The following SHLD2 variants were observed in gnomAD, a reference collection of about 807,000 sequenced individuals.
The protein encoded by SHLD2 is RINN1-REV7-interacting novel NHEJ regulator 2.
SHLD2 carries 30 observed loss-of-function variants against 73.2 expected under a neutral mutation model. That is an observed-to-expected ratio of 0.41 (90% CI 0.31 to 0.56). SHLD2 has a LOEUF of 0.56. Among genes scored for constraint, SHLD2 ranks in the 20% least tolerant of loss-of-function variants. The probability of loss-of-function intolerance (pLI) is 0.28; values close to 1 mark genes in which losing one functional copy is unlikely to be tolerated. For synonymous variants in SHLD2, 285 were observed against 370.1 expected (o/e 0.77, Z 2.64); for missense variants, 745 against 1,055.9 (o/e 0.71, Z 4.08).
chr10:87,173,210 T>TAGAGACGAGGTTTCACCATG (rs796137789), intron 6 of SHLD2, among the ~76,000 whole-genome samples: 4 of 151,564 alleles, frequency 2.6e-5, no homozygotes, highest in African/African-American at 9.8e-5. Flanking sequence ...GTATTTTTAG[T>TAGAGACGAGGTTTCACCATG]AGAGACGAGG....
At chr10:87,120,258 A>ATT (rs1026313828) in intron 2 of SHLD2, among the ~76,000 whole-genome samples, 84 of 148,798 alleles carry the variant, frequency 5.6e-4, no homozygotes, top group African/African-American at 2.1e-3. Flanking sequence ...TTATTTATTT[A>ATT]TTTTTTTGAG....
intron 2 of SHLD2, among the ~76,000 whole-genome samples, chr10:87,134,771 A>G (rs1844683373): frequency 6.6e-6 from 1 of 152,176 alleles, no homozygotes; most frequent in Admixed American, 6.5e-5. Context: ...CTGGCAGTCC[A>G]TGTTTTCAGC....
chr10:87,107,422 A>C (rs569129821), intron 2 of SHLD2, among the ~76,000 whole-genome samples: 1 of 152,218 alleles, frequency 6.6e-6, no homozygotes, highest in African/African-American at 2.4e-5. Context: ...CTCAAAAAAA[A>C]GAAAAGAAAA....
At position 87,170,468 on chromosome 10, in the gene SHLD2, T is replaced by C. The variant is rs1484780698; in HGVS notation, c.1634-10T>C. 4 of 1,546,046 alleles carry C rather than the reference T, an allele frequency of 2.6e-6. No individual in the cohort carries two copies. In the East Asian group the frequency reaches 6.8e-5, roughly 26 times the overall value. Reference sequence around the variant, plus strand: ...ATCTTTTGTCTGTCTGTATGTTTTTTTTCCCTTAGATTCCAGTGTAGTTAG... The same window carrying C: ...ATCTTTTGTCTGTCTGTATGTTTTTCTTCCCTTAGATTCCAGTGTAGTTAG... On this transcript the variant is annotated splice_polypyrimidine_tract_variant and intron_variant, in intron 4 of 9. Coordinates refer to ENST00000298786, the MANE Select transcript of SHLD2 (RefSeq NM_001330112.2).
At chr10:87,172,453 T>C (rs867860817) in intron 6 of SHLD2, among the ~76,000 whole-genome samples, 1 of 149,734 alleles carries the variant, frequency 6.7e-6, no homozygotes, top group African/African-American at 2.5e-5. Context: ...AAGGGAGTCA[T>C]TTGTGATCTG....
In SHLD2 at chr10:87,162,872, T is replaced by G. The variant is rs187666388; in HGVS notation, c.1633+4717T>G. Among the ~76,000 whole-genome samples the G allele has an allele frequency of 3.5e-3, 529 of 152,278 alleles. 4 individuals are homozygous for G. Among genetic ancestry groups the G allele is most frequent in the African/African-American group, 0.012 (506 of 41,566 alleles). ...GTAATGTGCCCTCTTAATACATTGG[T>G]GGTAGGAATGCAAATTGCTACAACC... On this transcript the variant is annotated intron_variant, in intron 4 of 9. Transcript: ENST00000298786.
chr10:87,144,940 T>G (rs1282230252), intron 2 of SHLD2, among the ~76,000 whole-genome samples: 1 of 76,392 alleles, frequency 1.3e-5, no homozygotes, highest in African/African-American at 4.3e-5. Flanking sequence ...TGTAATTCTT[T>G]TTTTTTTTTT....
chr10:87,112,584 G>C (rs1208323793), intron 2 of SHLD2, among the ~76,000 whole-genome samples: 2 of 151,798 alleles, frequency 1.3e-5, no homozygotes, highest in African/African-American at 4.8e-5. Flanking sequence ...GCAGTGAGCA[G>C]TGATGGTGCC....
At chr10:87,181,151 TG>T (rs768408851) in intron 8 of SHLD2, among the ~76,000 whole-genome samples, 1 of 97,146 alleles carries the variant, frequency 1.0e-5, no homozygotes, top group Non-Finnish European at 2.1e-5. Context: ...GAGGCCGGGG[TG>T]GGGGGATCGC....
At chr10:87,103,767 A>G (rs191095341) in intron 2 of SHLD2, among the ~76,000 whole-genome samples, 33 of 152,300 alleles carry the variant, frequency 2.2e-4, no homozygotes, top group Admixed American at 1.8e-3. Flanking sequence ...TGGCAGTTAC[A>G]TCTGCATGGC....
chr10:87,148,896 T>G (rs1845820442), intron 2 of SHLD2, among the ~76,000 whole-genome samples: 1 of 150,532 alleles, frequency 6.6e-6, no homozygotes, highest in African/African-American at 2.4e-5. Context: ...TTTTTTTTTT[T>G]TTTTTCTGAG....
chr10:87,112,895 A>G (rs1843018320), intron 2 of SHLD2, among the ~76,000 whole-genome samples: 2 of 152,294 alleles, frequency 1.3e-5, no homozygotes, highest in South Asian at 4.1e-4. Context: ...CAGCAGTTCC[A>G]TTCCTAGGTC....
chr10:87,143,001 C>G (rs1229671843), intron 2 of SHLD2, among the ~76,000 whole-genome samples: 1 of 143,630 alleles, frequency 7.0e-6, no homozygotes, highest in African/African-American at 2.6e-5. Context: ...ACAATCACGG[C>G]TTACTGTAGC....
upstream of SHLD2, chr10:87,094,798 G>T (rs755763153): frequency 2.6e-6 from 4 of 1,510,750 alleles, no homozygotes; most frequent in South Asian, 2.3e-5. The surrounding 1 kb of genome is among the most constrained non-coding windows in gnomAD (Gnocchi z 6.6). Flanking sequence ...GGTGCGTGAT[G>T]GTCGCGAAAC....
intron 2 of SHLD2, among the ~76,000 whole-genome samples, chr10:87,123,643 C>T (rs1400963611): frequency 6.6e-6 from 1 of 152,122 alleles, no homozygotes; most frequent in African/African-American, 2.4e-5. Flanking sequence ...GTATATATGT[C>T]TCCACCAAAT....
chr10:87,153,277 G>A (rs558503147), intron 3 of SHLD2, among the ~76,000 whole-genome samples: 2 of 152,232 alleles, frequency 1.3e-5, no homozygotes, highest in African/African-American at 4.8e-5. Context: ...TAAGGTTTGC[G>A]TGCCTGTAGT....
chr10:87,108,083 C>T lies in SHLD2; in HGVS notation c.-6+11094C>T, dbSNP rs541678187. Among the ~76,000 whole-genome samples the T allele has an allele frequency of 9.2e-4, 140 of 152,076 alleles. 1 individual carries two copies. The highest frequency in any genetic ancestry group is 5.1e-3 in the Admixed American group (78 of 15,256). ...TTTTTGCTTTTTTGAGACGGAGTTT[C>T]GCTCTTGTTATCCAGGAGTGCAATG... is the stretch of plus-strand genomic sequence containing the variant. On this transcript the variant is annotated intron_variant, in intron 2 of 9. Transcript: ENST00000298786.
intron 2 of SHLD2, among the ~76,000 whole-genome samples, chr10:87,128,024 C>A (rs547487273): frequency 6.6e-6 from 1 of 152,194 alleles, no homozygotes; most frequent in Non-Finnish European, 1.5e-5. Flanking sequence ...CTTGGGAAAT[C>A]CTCAGTACCT....
chr10:87,158,323 T>C (rs898134550), intron 4 of SHLD2, among the ~76,000 whole-genome samples, 168 bp downstream of exon 4: 29 of 152,194 alleles, frequency 1.9e-4, no homozygotes, highest in Non-Finnish European at 4.0e-4. Context: ...GAAATGAACT[T>C]GTACATTGTA....
Sources: gnomAD v4.1 joint callset for allele counts (sites outside exome capture counted in the v4.1 genomes callset) on GRCh38, gnomAD v4.1.1 for gene constraint, Gnocchi (gnomAD v3.1) non-coding constraint, MANE v1.5 for transcripts, NCBI Gene and HGNC (gene_info 2026-07-23, HGNC 2026-07-21) for gene names.